Variants in STARD9 observed in about 807,000 individuals in gnomAD.
The protein encoded by STARD9 is StAR related lipid transfer domain containing 9.
STARD9 carries 346 observed loss-of-function variants against 399.8 expected under a neutral mutation model. That is an observed-to-expected ratio of 0.87 (90% CI 0.79 to 0.95). STARD9 has a LOEUF of 0.95. STARD9 is among the 40% of genes least tolerant of loss of function. The pLI, the probability that STARD9 is intolerant of heterozygous loss-of-function variation, is 0.00. For synonymous variants in STARD9, 2,203 were observed against 2,143.5 expected (o/e 1.03, Z -0.77); for missense variants, 5,832 against 5,667.5 (o/e 1.03, Z -0.93).
chr15:42,680,282 G>A (rs2060399607), intron 20 of STARD9, among the ~76,000 whole-genome samples: 1 of 152,154 alleles, frequency 6.6e-6, no homozygotes, highest in African/African-American at 2.4e-5. Context: ...GAACCTGGTG[G>A]CAGAGTAAGG....
intron 23 of STARD9, 85 bp downstream of exon 23, chr15:42,694,427 C>G (rs1204083704): frequency 6.6e-7 from 1 of 1,526,410 alleles, no homozygotes; most frequent in Non-Finnish European, 8.8e-7. Flanking sequence ...CTTGCTGTTT[C>G]CTCTGCCCTG....
chr15:42,636,900 T>C (rs978335312), intron 4 of STARD9, among the ~76,000 whole-genome samples: 6 of 151,880 alleles, frequency 4.0e-5, no homozygotes, highest in African/African-American at 1.5e-4. Flanking sequence ...ACCCCATCTC[T>C]ACTAAAAATA....
chr15:42,693,909 C>T lies in STARD9; in HGVS notation c.12331C>T (p.Gln4111Ter), dbSNP rs963539447. 1.3e-6 allele frequency: 2 copies of T among 1,519,886 alleles called. No homozygotes were observed. The highest frequency in any genetic ancestry group is 1.8e-6 in the Non-Finnish European group (2 of 1,137,252). 94.1% of individuals were successfully genotyped at this position (1,519,886 alleles called of 1,614,324 possible). ...GSALGLPQACQPEELLCFSCQ... is the reference protein window; with the variant it reads ...GSALGLPQAC ...TGCCTTGGGCCTCCCTCAGGCCTGCCAACCTGAGGAGTTACTGTGCTTCAG... is the reference window on the plus strand; with the variant it reads ...TGCCTTGGGCCTCCCTCAGGCCTGCTAACCTGAGGAGTTACTGTGCTTCAG... Residue 4111 changes from glutamine to a stop codon, truncating the protein, a stop_gained, in exon 23 of 33, where the codon CAA becomes TAA. Coordinates refer to ENST00000290607, the MANE Select transcript of STARD9 (RefSeq NM_020759.3). LOFTEE classifies it high-confidence loss of function.
At position 42,695,793 on chromosome 15, in the gene STARD9, C is replaced by T; in HGVS notation, c.13197C>T (p.Ser4399=). The T allele has an allele frequency of 1.3e-6, 2 of 1,537,260 alleles. No homozygotes were observed. The highest frequency in any genetic ancestry group is 1.7e-6 in the Non-Finnish European group (2 of 1,146,886). Residue 4399 remains serine, a synonymous_variant, in exon 26 of 33, where the codon AGC becomes AGT. Coordinates refer to ENST00000290607, the MANE Select transcript of STARD9 (RefSeq NM_020759.3). ...CCAATTCCAGCTCCCTGTGCACCAG[C>T]TCTAATGGAAGCCTCTCGTCTGGCA... ...TLANSSSLCT[S]SNGSLSSGMT... is the part of the protein sequence containing the mutation.
intron 7 of STARD9, among the ~76,000 whole-genome samples, chr15:42,643,083 A>G (rs2059573222): frequency 6.6e-6 from 1 of 151,970 alleles, no homozygotes; most frequent in Non-Finnish European, 1.5e-5. Flanking sequence ...ATAAAATAAA[A>G]TAAGGATGAA....
intron 3 of STARD9, among the ~76,000 whole-genome samples, chr15:42,587,114 C>T (rs115532536): frequency 0.021 from 3,245 of 152,102 alleles, 133 homozygotes; most frequent in African/African-American, 0.075. Context: ...CCTTGGCCTA[C>T]CAAAGTGCTG....
chr15:42,669,169 G>A lies in STARD9; in HGVS notation c.1329G>A (p.Leu443=), dbSNP rs774317314. 6.9e-5 allele frequency: 106 copies of A among 1,533,828 alleles called. No homozygotes were observed. Among genetic ancestry groups the A allele is most frequent in the Middle Eastern group, 1.7e-4 (1 of 5,996 alleles). ...CTATACCTCTGCAGATAGACCAGCTGACTAAAGACTGGACCCAGAAGTGGA... is the reference window on the plus strand; with the variant it reads ...CTATACCTCTGCAGATAGACCAGCTAACTAAAGACTGGACCCAGAAGTGGA... The part of the protein sequence containing the change: ...VLQNELKIDQ[L]TKDWTQKWND... Residue 443 remains leucine, a synonymous_variant, in exon 16 of 33, where the codon CTG becomes CTA. Transcript: ENST00000290607.
At position 42,692,073 on chromosome 15, in the gene STARD9, A is replaced by C; in HGVS notation, c.10495A>C (p.Lys3499Gln). The C allele has an allele frequency of 6.5e-7, 1 of 1,537,240 alleles. No homozygotes were observed. Among genetic ancestry groups the C allele is most frequent in the South Asian group, 1.2e-5 (1 of 84,060 alleles). ...TGCAGTCGATGTTTCCTGCAGCCAG[A>C]AGCCCCAGGGGCTGACACTATCAAA... ...GSAVDVSCSQ[K>Q]PQGLTLSNVA... is the part of the protein sequence containing the mutation. Residue 3499 changes from lysine (K) to glutamine (Q), a missense_variant, in exon 23 of 33, where the codon AAG becomes CAG. Around this residue, in one of 2 missense-constraint regions of STARD9, gnomAD observed 5,828 missense variants for 5,651.1 expected, o/e 1.03. Coordinates refer to ENST00000290607, the MANE Select transcript of STARD9 (RefSeq NM_020759.3).
At chr15:42,649,163 G>A (rs2059705661) in intron 7 of STARD9, among the ~76,000 whole-genome samples, 1 of 151,998 alleles carries the variant, frequency 6.6e-6, no homozygotes, top group Admixed American at 6.6e-5. Flanking sequence ...CCGAGTAGCT[G>A]GGATTACAGT....
At chr15:42,714,881 C>T (rs1291893878) in intron 26 of STARD9, among the ~76,000 whole-genome samples, 1 of 151,044 alleles carries the variant, frequency 6.6e-6, no homozygotes, top group Non-Finnish European at 1.5e-5. Flanking sequence ...GCCCATTTGT[C>T]TCAGCAGTAC....
At chr15:42,699,958 C>T (rs928807889) in intron 26 of STARD9, among the ~76,000 whole-genome samples, 5 of 152,136 alleles carry the variant, frequency 3.3e-5, no homozygotes, top group Admixed American at 6.5e-5. Context: ...CCACCTGCCT[C>T]GGCCTCTCAA....
Position 42,626,261 on chromosome 15 carries a change from TTCCTCTTCCTCC to T in STARD9, c.235-8580_235-8569del, listed in dbSNP as rs538472001. Among the ~76,000 whole-genome samples the T allele has an allele frequency of 6.2e-3, 943 of 151,482 alleles. 8 individuals are homozygous for T. The highest frequency in any genetic ancestry group is 0.038 in the East Asian group (193 of 5,106). ...CTTCTTCTTCTTCTTCCTCTTCCTC[TTCCTCTTCCTCC>T]TCCTCTTCCTCCTCTTCCTCTTCCT... On this transcript the variant is annotated intron_variant, in intron 3 of 32. Coordinates refer to ENST00000290607, the MANE Select transcript of STARD9 (RefSeq NM_020759.3).
intron 3 of STARD9, among the ~76,000 whole-genome samples, chr15:42,589,254 A>G (rs990725861): frequency 1.3e-5 from 2 of 151,982 alleles, no homozygotes; most frequent in Non-Finnish European, 2.9e-5. Flanking sequence ...GTCTTGCTGT[A>G]TTGTCTAGGC....
Position 42,686,781 on chromosome 15 carries a change from T to C in STARD9, c.5203T>C (p.Leu1735=), listed in dbSNP as rs781766696. The C allele has an allele frequency of 5.9e-6, 9 of 1,537,318 alleles. No homozygotes were observed. The highest frequency in any genetic ancestry group is 1.2e-5 in the South Asian group (1 of 84,056). Reference sequence around the variant, plus strand: ...CCTTCACTCTGCTCCCTGGAATCCATTGTCATCTTCCCTGCAGCCCCCACT... The same window carrying C: ...CCTTCACTCTGCTCCCTGGAATCCACTGTCATCTTCCCTGCAGCCCCCACT... ...LYLHSAPWNP[L]SSSLQPPLLE... is the part of the protein sequence containing the mutation. The change falls in exon 23 of 33, where the codon TTG becomes CTG. Residue 1735 remains leucine, a synonymous_variant. Coordinates refer to ENST00000290607, the MANE Select transcript of STARD9 (RefSeq NM_020759.3).
chr15:42,669,394 G>A, intron 16 of STARD9, 57 bp downstream of exon 16: 1 of 1,422,444 alleles, frequency 7.0e-7, no homozygotes, highest in Non-Finnish European at 9.4e-7. Flanking sequence ...AGGTCAAGGA[G>A]GGAAAAGCTA....
intron 3 of STARD9, among the ~76,000 whole-genome samples, chr15:42,594,833 A>G (rs1329082639): frequency 6.6e-6 from 1 of 152,180 alleles, no homozygotes; most frequent in Admixed American, 6.5e-5. Context: ...TCTGTAGTCA[A>G]CTGGGATGAG....
intron 26 of STARD9, among the ~76,000 whole-genome samples, chr15:42,697,807 G>A (rs566602526): frequency 2.0e-5 from 3 of 152,066 alleles, no homozygotes; most frequent in South Asian, 2.1e-4. Context: ...TCCAAAATCC[G>A]AAAAAATTCA....
chr15:42,685,101 C>A lies in STARD9; in HGVS notation c.3523C>A (p.Pro1175Thr). Residue 1175 changes from proline (P) to threonine (T), a missense_variant, in exon 23 of 33, where the codon CCC (proline) becomes ACC (threonine). Physicochemically the swap from Pro to Thr is conservative, Grantham distance 38 (BLOSUM62 -1). Coordinates refer to ENST00000290607, the MANE Select transcript of STARD9 (RefSeq NM_020759.3). The part of the protein sequence containing the change: ...GNRPTNNRGQ[P>T]RTRTRASVRG... ...TCGTCCCACCAACAACCGTGGCCAA[C>A]CCAGGACCAGAACTAGAGCTTCTGT... 3 of 1,537,194 alleles carry A rather than the reference C, an allele frequency of 2.0e-6. No individual in the cohort carries two copies. The highest frequency in any genetic ancestry group is 2.6e-6 in the Non-Finnish European group (3 of 1,146,928).
At position 42,686,405 on chromosome 15, in the gene STARD9, A is replaced by C; in HGVS notation, c.4827A>C (p.Ala1609=). 2 of 1,537,742 alleles carry C rather than the reference A, an allele frequency of 1.3e-6. No individual in the cohort carries two copies. Among genetic ancestry groups the C allele is most frequent in the South Asian group, 2.4e-5 (2 of 84,066 alleles). ...GATCTACAAATGCACAGGTCTTTGC[A>C]ACAGAGAACGCGATACCAGATTCCA... ...ASRSTNAQVF[A]TENAIPDSMT... The change falls in exon 23 of 33, where the codon GCA becomes GCC. Residue 1609 remains alanine, a synonymous_variant. Transcript: ENST00000290607.
Sources: gnomAD v4.1 joint callset for allele counts (sites outside exome capture counted in the v4.1 genomes callset) on GRCh38, gnomAD v4.1.1 for gene constraint, gnomAD v4.1.1 regional missense constraint, MANE v1.5 for transcripts, NCBI Gene and HGNC (gene_info 2026-07-23, HGNC 2026-07-21) for gene names.